SLC14A2: variants seen among roughly 807,000 people sequenced by gnomAD.
SLC14A2 encodes urea transporter 2.
Under a neutral mutation model 104.6 loss-of-function variants are expected in SLC14A2, and 91 were observed. The observed-to-expected ratio is 0.87, with a 90% CI of 0.73 to 1.04. The LOEUF is 1.04. SLC14A2 is among the 50% of genes least tolerant of loss of function. SLC14A2 has a pLI of 0.00. For missense variants in SLC14A2, 1,189 were observed against 1,156.0 expected (o/e 1.03, Z -0.41); for synonymous variants, 476 against 466.4 (o/e 1.02, Z -0.27).
chr18:45,369,512 T>C, intron 1 of SLC14A2, among the ~76,000 whole-genome samples: 1 of 152,190 alleles, frequency 6.6e-6, no homozygotes, highest in Non-Finnish European at 1.5e-5. Context: ...TTATATATGG[T>C]TGGGTTGACT....
chr18:45,539,908 A>T (rs1242154429), intron 2 of SLC14A2, among the ~76,000 whole-genome samples: 1 of 151,606 alleles, frequency 6.6e-6, no homozygotes, highest in Non-Finnish European at 1.5e-5. Flanking sequence ...AAAAAAAAAA[A>T]TTTAAAAAAA....
At position 45,292,702 on chromosome 18, in the gene SLC14A2, G is replaced by A. The variant is rs573204045; in HGVS notation, c.-125+79511G>A. ...CAAACAATGACTTTGAAACCCTGTTGGTGGTGGGACCGGCTACATTGGCGT... is the reference window on the plus strand; with the variant it reads ...CAAACAATGACTTTGAAACCCTGTTAGTGGTGGGACCGGCTACATTGGCGT... On this transcript the variant is annotated intron_variant, in intron 1 of 20. Transcript: ENST00000586448. 3.3e-5 allele frequency among the ~76,000 whole-genome samples: 5 copies of A among 152,288 alleles called. No homozygotes were observed. The South Asian group carries it at 8.3e-4, about 25-fold the overall frequency.
In SLC14A2 at chr18:45,651,888, C is replaced by A. The variant is rs143347780; in HGVS notation, c.1351+7728C>A. Among the ~76,000 whole-genome samples, 17 of 152,352 alleles carry A rather than the reference C, an allele frequency of 1.1e-4. No individual in the cohort carries two copies. In the East Asian group the frequency reaches 2.5e-3, roughly 22 times the overall value. ...TGCTCAACATGGTTGCTTACATGGA[C>A]AAAAGCTGGGGACCAACATTATTCA... On this transcript the variant is annotated intron_variant, in intron 10 of 19. Transcript: ENST00000255226.
chr18:45,188,432 C>T, the SLC14A2 span, among the ~76,000 whole-genome samples: 487 of 152,146 alleles, frequency 3.2e-3, 2 homozygotes, highest in African/African-American at 0.011. Flanking sequence ...ATGTATAATT[C>T]CCTGTTTTGA....
chr18:45,222,300 C>T (rs531237381), intron 1 of SLC14A2, among the ~76,000 whole-genome samples: 70 of 152,324 alleles, frequency 4.6e-4, no homozygotes, highest in Middle Eastern at 3.4e-3. Context: ...TGGTTATCAG[C>T]TCCATCTGGT....
At chr18:45,545,308 G>A (rs1163602469) in intron 2 of SLC14A2, among the ~76,000 whole-genome samples, 1 of 152,172 alleles carries the variant, frequency 6.6e-6, no homozygotes, top group African/African-American at 2.4e-5. Context: ...AGGTGGAGCT[G>A]GATGGAAGCT....
At chr18:45,526,667 T>C (rs529871354) in intron 2 of SLC14A2, among the ~76,000 whole-genome samples, 2 of 152,198 alleles carry the variant, frequency 1.3e-5, no homozygotes, top group East Asian at 1.9e-4. Flanking sequence ...CTGAGTCATA[T>C]AGAGGGGGAA....
At chr18:45,189,967 C>T in the SLC14A2 span, among the ~76,000 whole-genome samples, 1 of 152,252 alleles carries the variant, frequency 6.6e-6, no homozygotes, top group African/African-American at 2.4e-5. Flanking sequence ...CCAGAAGATT[C>T]CCCAAAGCAC....
chr18:45,326,901 C>G (rs1050378515), intron 1 of SLC14A2, among the ~76,000 whole-genome samples: 3 of 152,156 alleles, frequency 2.0e-5, no homozygotes, highest in African/African-American at 7.2e-5. Context: ...GGATGGAGAG[C>G]AGGAACATAG....
intron 2 of SLC14A2, among the ~76,000 whole-genome samples, chr18:45,580,122 T>C (rs2044468256): frequency 6.6e-6 from 1 of 152,086 alleles, no homozygotes; most frequent in African/African-American, 2.4e-5. Context: ...TCAGACTTTG[T>C]GTTTAGGAAG....
intron 1 of SLC14A2, among the ~76,000 whole-genome samples, chr18:45,395,986 T>TACTACTGCCTGA (rs2086025860): frequency 6.6e-6 from 1 of 152,298 alleles, no homozygotes; most frequent in South Asian, 2.1e-4. Context: ...GCCTGAACAC[T>TACTACTGCCTGA]ATACTACTAA....
intron 1 of SLC14A2, among the ~76,000 whole-genome samples, chr18:45,312,881 G>C (rs915175647): frequency 6.6e-6 from 1 of 152,204 alleles, no homozygotes; most frequent in African/African-American, 2.4e-5. Flanking sequence ...CAGAGGGGCG[G>C]GGTATGTGCT....
At chr18:45,663,202 A>T (rs1446616381) in intron 10 of SLC14A2, among the ~76,000 whole-genome samples, 1 of 152,188 alleles carries the variant, frequency 6.6e-6, no homozygotes, top group East Asian at 1.9e-4. Flanking sequence ...CTGCATTTCT[A>T]ACAAGCTCCC....
At chr18:45,607,387 C>T (rs779814278) in intron 2 of SLC14A2, among the ~76,000 whole-genome samples, 7 of 152,146 alleles carry the variant, frequency 4.6e-5, no homozygotes, top group Admixed American at 6.5e-5. Flanking sequence ...TAGGCAAGTG[C>T]TCTCTACATG....
At chr18:45,354,994 G>A (rs1364626821) in intron 1 of SLC14A2, among the ~76,000 whole-genome samples, 1 of 152,164 alleles carries the variant, frequency 6.6e-6, no homozygotes, top group African/African-American at 2.4e-5. Flanking sequence ...TAGAACTGAG[G>A]AAAGATAAAA....
At chr18:45,286,722 G>GTGTGTGTGTGTGTGTGTGTGTGTC (rs1244492491) in intron 1 of SLC14A2, among the ~76,000 whole-genome samples, 121 of 152,064 alleles carry the variant, frequency 8.0e-4, no homozygotes, top group African/African-American at 2.7e-3. Context: ...CCCAACTTGT[G>GTGTGTGTGTGTGTGTGTGTGTGTC]TGTGTGTGTG....
intron 2 of SLC14A2, among the ~76,000 whole-genome samples, chr18:45,571,947 A>T (rs762794756): frequency 6.6e-6 from 1 of 152,224 alleles, no homozygotes; most frequent in Non-Finnish European, 1.5e-5. Flanking sequence ...CCCTGGCTGC[A>T]CATTAGATCC....
chr18:45,573,821 T>C (rs2044382171), intron 2 of SLC14A2, among the ~76,000 whole-genome samples: 1 of 152,216 alleles, frequency 6.6e-6, no homozygotes, highest in Non-Finnish European at 1.5e-5. Context: ...GAGTTCCTGC[T>C]CATCAAAAAT....
chr18:45,567,743 C>T (rs556039564), intron 2 of SLC14A2, among the ~76,000 whole-genome samples: 2 of 152,296 alleles, frequency 1.3e-5, no homozygotes, highest in East Asian at 3.9e-4. Context: ...TTCCTGATCA[C>T]TTCATTGGAC....
Sources: allele counts gnomAD v4.1 joint callset (sites outside exome capture counted in the v4.1 genomes callset), GRCh38; gene constraint gnomAD v4.1.1; transcripts MANE v1.5; gene names NCBI Gene and HGNC (gene_info 2026-07-23, HGNC 2026-07-21).